UNC5A: variants seen among roughly 807,000 people sequenced by gnomAD.
UNC5A encodes the protein unc-5 netrin receptor A.
Under a neutral mutation model 87.4 loss-of-function variants are expected in UNC5A, and 20 were observed. The ratio of observed to expected loss-of-function variants is 0.23; its 90% CI spans 0.16 to 0.33. The LOEUF (loss-of-function observed/expected upper bound fraction) is 0.33, where lower values mean the gene tolerates loss of function less well. Ranked by LOEUF, UNC5A falls within the 10% of genes least tolerant of loss-of-function variation. UNC5A has a pLI of 1.00. For synonymous variants in UNC5A, 438 were observed against 482.3 expected, an observed-to-expected ratio of 0.91 and a Z score of 1.20; for missense variants, 844 against 1,133.4, an observed-to-expected ratio of 0.74 and a Z score of 3.67.
intron 8 of UNC5A, 90 bp from the exon 9 acceptor site, chr5:176,877,102 C>A (rs374706274): frequency 1.8e-6 from 2 of 1,084,658 alleles, no homozygotes; most frequent in Non-Finnish European, 1.4e-6. Context: ...ACCAGTCAGT[C>A]CTCACAGGAA....
At position 176,819,131 on chromosome 5, in the gene UNC5A, C is replaced by T. The variant is rs577709448; in HGVS notation, c.70+8311C>T. ...CAGGGCTCCCACCTGGCCACACCTG[C>T]CCCTTTCCTGGCCAGCCCTCCCCAG... On this transcript the variant is annotated intron_variant, in intron 1 of 14. Coordinates refer to ENST00000329542, the MANE Select transcript of UNC5A (RefSeq NM_133369.3). Among the ~76,000 whole-genome samples the T allele has an allele frequency of 2.7e-3, 415 of 152,322 alleles. 3 individuals carry two copies. Among genetic ancestry groups the T allele is most frequent in the Non-Finnish European group, 3.4e-3 (229 of 68,028 alleles).
chr5:176,862,224 C>T (rs1297644913), intron 1 of UNC5A, among the ~76,000 whole-genome samples: 1 of 152,212 alleles, frequency 6.6e-6, no homozygotes, highest in Non-Finnish European at 1.5e-5. Context: ...TGCTCCCTCC[C>T]TCGCCCCAGG....
intron 1 of UNC5A, among the ~76,000 whole-genome samples, chr5:176,823,150 A>T (rs1288232048): frequency 2.0e-5 from 2 of 99,310 alleles, no homozygotes; most frequent in African/African-American, 4.0e-5. Flanking sequence ...GCAAAGGGGG[A>T]GATGTTGCAT....
intron 1 of UNC5A, among the ~76,000 whole-genome samples, chr5:176,839,721 G>A (rs78166686): frequency 0.046 from 7,005 of 152,268 alleles, 294 homozygotes; most frequent in African/African-American, 0.1. Flanking sequence ...GAGGGCCTGG[G>A]GGTCCTGGGA....
In UNC5A at chr5:176,880,024, T is replaced by C; in HGVS notation, c.*138T>C. On this transcript the variant is annotated 3_prime_UTR_variant, in exon 15 of 15. Transcript: ENST00000329542. ...CCTCCCGGCCGAAGCTGTCCCTTAA[T>C]GCTGGTCCTTCAGACCCTGCCCGAA... 8.3e-7 allele frequency: 1 copy of C among 1,199,324 alleles called. No individual in the cohort carries two copies. The highest frequency in any genetic ancestry group is 1.1e-6 in the Non-Finnish European group (1 of 883,498). 74.3% of individuals were successfully genotyped at this position (1,199,324 alleles called of 1,614,324 possible).
At chr5:176,811,852 C>T (rs1756463891) in intron 1 of UNC5A, among the ~76,000 whole-genome samples, 1 of 152,052 alleles carries the variant, frequency 6.6e-6, no homozygotes, top group African/African-American at 2.4e-5. Context: ...CTGGCCAGGC[C>T]GCTGCTTATA....
intron 1 of UNC5A, among the ~76,000 whole-genome samples, chr5:176,828,897 G>A (rs867163093): frequency 6.6e-6 from 1 of 151,948 alleles, no homozygotes; most frequent in South Asian, 2.1e-4. Flanking sequence ...TTGGGAGGCC[G>A]AGGTGGGCGG....
Position 176,848,837 on chromosome 5 carries a change from C to T in UNC5A, c.71-13787C>T, listed in dbSNP as rs1223604498. On this transcript the variant is annotated intron_variant, in intron 1 of 14. Transcript: ENST00000329542. This position sits in a 1 kb window ranked among gnomAD's most constrained non-coding sequence, Gnocchi z 5.8. ...CCTGCGCGTCTCGGGATTGCAGCTT[C>T]TCCCCTCTCGGCCTCTGGAAGGGAC... Among the ~76,000 whole-genome samples, 2 of 152,230 alleles carry T rather than the reference C, an allele frequency of 1.3e-5. No homozygotes were observed. Among genetic ancestry groups the T allele is most frequent in the Admixed American group, 6.5e-5 (1 of 15,284 alleles).
At chr5:176,843,172 AAAAG>A (rs201596079) in intron 1 of UNC5A, among the ~76,000 whole-genome samples, 5,896 of 148,074 alleles carry the variant, frequency 0.04, 333 homozygotes, top group African/African-American at 0.14. Flanking sequence ...AAAAAAAAAA[AAAAG>A]AAAGAAAGAA....
At chr5:176,842,901 C>T (rs1372738674) in intron 1 of UNC5A, among the ~76,000 whole-genome samples, 6 of 151,912 alleles carry the variant, frequency 3.9e-5, no homozygotes, top group Non-Finnish European at 8.8e-5. Flanking sequence ...GTGGCTCACA[C>T]CTGTAATCCC....
In UNC5A at chr5:176,875,170, T is replaced by C. The variant is rs1312145375; in HGVS notation, c.1378+604T>C. ...CCTCCGAGCTCCCTCCCAGTGCCCT[T>C]CTCCCCGAGCGGCCTCGCCCACTCC... On this transcript the variant is annotated intron_variant, in intron 8 of 14. Coordinates refer to ENST00000329542, the MANE Select transcript of UNC5A (RefSeq NM_133369.3). The surrounding 1 kb of genome is among the most constrained non-coding windows in gnomAD (Gnocchi z 5.2). Among the ~76,000 whole-genome samples, 2 of 152,106 alleles carry C rather than the reference T, an allele frequency of 1.3e-5. No individual in the cohort carries two copies. Among genetic ancestry groups the C allele is most frequent in the Non-Finnish European group, 1.5e-5 (1 of 68,000 alleles).
intron 1 of UNC5A, among the ~76,000 whole-genome samples, chr5:176,837,300 C>T (rs1013493805): frequency 6.6e-6 from 1 of 152,230 alleles, no homozygotes; most frequent in Non-Finnish European, 1.5e-5. Flanking sequence ...GCACAGGCAC[C>T]TTGCCTGGCA....
rs769661327 is a variant in UNC5A at position 176,877,957 on chromosome 5, G to A, written c.1699G>A (p.Ala567Thr). Residue 567 changes from alanine (A) to threonine (T), a missense_variant, in exon 11 of 15, where the codon GCC becomes ACC. Around this residue, in one of 3 missense-constraint regions of UNC5A, gnomAD observed 353 missense variants for 387.5 expected, o/e 0.91. Coordinates refer to ENST00000329542, the MANE Select transcript of UNC5A (RefSeq NM_133369.3). ...HLYYCQLEAS[A>T]CYVFTEQLGR... ...CTACTACTGCCAGCTGGAGGCCAGT[G>A]CCTGCTACGTCTTCACCGAGCAGCT... The A allele has an allele frequency of 1.9e-6, 3 of 1,604,322 alleles. No homozygotes were observed. Among genetic ancestry groups the A allele is most frequent in the South Asian group, 1.1e-5 (1 of 91,068 alleles).
At chr5:176,812,556 G>A (rs1481693824) in intron 1 of UNC5A, among the ~76,000 whole-genome samples, 5 of 152,214 alleles carry the variant, frequency 3.3e-5, no homozygotes, top group Non-Finnish European at 5.9e-5. Context: ...GTACAGATAA[G>A]GGGGCACAGG....
At chr5:176,819,365 A>G (rs1263251865) in intron 1 of UNC5A, among the ~76,000 whole-genome samples, 3 of 151,788 alleles carry the variant, frequency 2.0e-5, no homozygotes, top group African/African-American at 7.3e-5. Context: ...ACACTGGCTT[A>G]AGGAAAAAAA....
At chr5:176,868,002 TTA>T in intron 2 of UNC5A, 126 bp from the exon 3 acceptor site, 1 of 716,338 alleles carries the variant, frequency 1.4e-6, no homozygotes, top group Non-Finnish European at 2.0e-6. Context: ...ATAATAAAAT[TTA>T]AAAAAAAAAA....
In UNC5A at chr5:176,869,791, GCCA is replaced by G. The variant is rs2149367120; in HGVS notation, c.722-576_722-574del. 1.7e-6 allele frequency: 1 copy of G among 587,376 alleles called. No individual in the cohort carries two copies. Among genetic ancestry groups the G allele is most frequent in the South Asian group, 1.9e-5 (1 of 52,616 alleles). 36.4% of individuals were successfully genotyped at this position (587,376 alleles called of 1,614,324 possible). On this transcript the variant is annotated intron_variant, in intron 5 of 14. Coordinates refer to ENST00000329542, the MANE Select transcript of UNC5A (RefSeq NM_133369.3). This position sits in a 1 kb window ranked among gnomAD's most constrained non-coding sequence, Gnocchi z 9.1. ...GCCACCCTGTGCCCAGGTACCAGCG[GCCA>G]CCGCCTCCCGCATCGTTCCTCACCA...
chr5:176,821,408 C>T (rs1756725164), intron 1 of UNC5A, among the ~76,000 whole-genome samples: 1 of 152,152 alleles, frequency 6.6e-6, no homozygotes, highest in South Asian at 2.1e-4. Context: ...TTTTGAGACC[C>T]ACTTGGTCTC....
chr5:176,868,364 G>A lies in UNC5A; in HGVS notation c.436+91G>A, dbSNP rs1372998903. 2.8e-5 allele frequency: 44 copies of A among 1,576,882 alleles called. 2 individuals are homozygous for A. In the Admixed American group the frequency reaches 3.1e-4, roughly 11 times the overall value. ...GTAGGCTTCCTGGAAGAGGCGGTCC[G>A]GTCAGAAAACCTCACAGCCCTGCCT... On this transcript the variant is annotated intron_variant, in intron 3 of 14. Transcript: ENST00000329542.
Sources: allele counts gnomAD v4.1 joint callset (sites outside exome capture counted in the v4.1 genomes callset), GRCh38; gene constraint gnomAD v4.1.1; regional missense constraint gnomAD v4.1.1; non-coding constraint Gnocchi (gnomAD v3.1); transcripts MANE v1.5; gene names NCBI Gene and HGNC (gene_info 2026-07-23, HGNC 2026-07-21).